DPP10: variants seen among roughly 807,000 people sequenced by gnomAD.
DPP10 encodes inactive dipeptidyl peptidase 10.
A neutral mutation model predicts 120.9 loss-of-function variants in DPP10; 33 were observed. That is an observed-to-expected ratio of 0.27 (90% CI 0.21 to 0.37). DPP10 has a LOEUF of 0.37. Among genes scored for constraint, DPP10 ranks in the 10% least tolerant of loss-of-function variants. The probability of loss-of-function intolerance (pLI) is 1.00; values close to 1 mark genes in which losing one functional copy is unlikely to be tolerated. For missense variants in DPP10, 816 were observed against 942.8 expected (o/e 0.87, Z 1.76); for synonymous variants, 337 against 326.1 (o/e 1.03, Z -0.36).
chr2:115,341,145 G>A (rs1035355898), intron 2 of DPP10, among the ~76,000 whole-genome samples: 6 of 151,688 alleles, frequency 4.0e-5, no homozygotes, highest in Non-Finnish European at 7.4e-5. Flanking sequence ...ATATTTTTTC[G>A]CTTGTGAAAC....
At chr2:115,509,636 A>G (rs1033904023) in intron 4 of DPP10, among the ~76,000 whole-genome samples, 2 of 152,176 alleles carry the variant, frequency 1.3e-5, no homozygotes, top group Non-Finnish European at 2.9e-5. Context: ...ACTGCACTCC[A>G]GCCTGGACGA....
intron 1 of DPP10, among the ~76,000 whole-genome samples, chr2:115,012,404 A>G (rs1702331480): frequency 6.6e-6 from 1 of 152,104 alleles, no homozygotes; most frequent in South Asian, 2.1e-4. Flanking sequence ...AAACAAAAAC[A>G]CAACCAAGGA....
At chr2:115,518,104 A>G (rs1413033783) in intron 4 of DPP10, among the ~76,000 whole-genome samples, 1 of 152,178 alleles carries the variant, frequency 6.6e-6, no homozygotes, top group Non-Finnish European at 1.5e-5. Context: ...TAATAGAGTA[A>G]GAACTCAGTA....
chr2:114,653,526 G>A (rs780334405), intron 1 of DPP10, among the ~76,000 whole-genome samples: 34 of 152,282 alleles, frequency 2.2e-4, no homozygotes, highest in Non-Finnish European at 4.0e-4. Flanking sequence ...GCTTGGGGTC[G>A]GGAGGTGGGG....
intron 1 of DPP10, among the ~76,000 whole-genome samples, chr2:115,306,921 A>G (rs915591612): frequency 1.3e-5 from 2 of 152,124 alleles, no homozygotes; most frequent in Admixed American, 6.6e-5. Flanking sequence ...ACAGTTATGT[A>G]TGGGTCCAAA....
intron 1 of DPP10, among the ~76,000 whole-genome samples, chr2:114,475,853 G>A (rs1345644576): frequency 6.6e-6 from 1 of 152,232 alleles, no homozygotes; most frequent in Non-Finnish European, 1.5e-5. Context: ...TCTCTTTCCT[G>A]TGAGGGTAAC....
In DPP10 at chr2:115,824,680, C is replaced by T. The variant is rs1307205474; in HGVS notation, c.1950+8951C>T. 2.0e-5 allele frequency among the ~76,000 whole-genome samples: 3 copies of T among 152,184 alleles called. No individual in the cohort carries two copies. In the East Asian group the frequency reaches 5.8e-4, roughly 29 times the overall value. ...TCTTTTTTATGGCCACTTCGTATTC[C>T]ATGGTGTGTATATGCTACATTTTCG... On this transcript the variant is annotated intron_variant, in intron 21 of 25. Coordinates refer to ENST00000410059, the MANE Select transcript of DPP10 (RefSeq NM_020868.6).
chr2:115,715,012 G>A (rs1335234423), intron 7 of DPP10, among the ~76,000 whole-genome samples: 2 of 127,794 alleles, frequency 1.6e-5, no homozygotes, highest in African/African-American at 3.0e-5. Flanking sequence ...CTGGGAGACA[G>A]AGCAAGACTC....
At chr2:115,185,429 T>G (rs765275854) in intron 1 of DPP10, among the ~76,000 whole-genome samples, 1 of 152,116 alleles carries the variant, frequency 6.6e-6, no homozygotes, top group African/African-American at 2.4e-5. Context: ...ATACATTTAG[T>G]GACAAAAGTT....
At chr2:115,228,579 A>AT (rs780185819) in intron 1 of DPP10, among the ~76,000 whole-genome samples, 9,293 of 151,462 alleles carry the variant, frequency 0.061, 314 homozygotes, top group Middle Eastern at 0.11. Flanking sequence ...TGTAAGCTCA[A>AT]TTTTTTTTTA....
intron 5 of DPP10, among the ~76,000 whole-genome samples, chr2:115,608,353 A>G (rs1377398987): frequency 1.3e-5 from 2 of 152,024 alleles, no homozygotes; most frequent in Admixed American, 6.6e-5. Flanking sequence ...TTGCATTGCT[A>G]TACTCCACCC....
At position 115,521,981 on chromosome 2, in the gene DPP10, T is replaced by C. The variant is rs2077838269; in HGVS notation, c.367-3917T>C. The stretch of plus-strand genomic sequence containing the variant: ...TACTTGTGCATTTTTTGAAGTTTAT[T>C]CTCATATTGTAGGTTGTAATTCAAA... On this transcript the variant is annotated intron_variant, in intron 4 of 25. Transcript: ENST00000410059. 2.0e-5 allele frequency among the ~76,000 whole-genome samples: 3 copies of C among 152,204 alleles called. No individual in the cohort carries two copies. The East Asian group carries it at 5.8e-4, about 29-fold the overall frequency.
intron 3 of DPP10, among the ~76,000 whole-genome samples, chr2:115,464,717 TA>T (rs1214717551): frequency 6.6e-6 from 1 of 152,014 alleles, no homozygotes; most frequent in Non-Finnish European, 1.5e-5. Context: ...GAGTCCTGGG[TA>T]GGGATGGATT....
intron 1 of DPP10, among the ~76,000 whole-genome samples, chr2:115,173,532 G>A (rs557283660): frequency 1.3e-5 from 2 of 152,236 alleles, no homozygotes; most frequent in Non-Finnish European, 2.9e-5. Flanking sequence ...ACCATAACTC[G>A]TTCCTGTTGT....
intron 1 of DPP10, among the ~76,000 whole-genome samples, chr2:114,630,146 C>G (rs1239082399): frequency 6.6e-6 from 1 of 151,968 alleles, no homozygotes; most frequent in Non-Finnish European, 1.5e-5. Flanking sequence ...CTCTAGTGCT[C>G]TATATTTTAT....
At chr2:115,504,275 C>CTTTT (rs5833604) in intron 4 of DPP10, among the ~76,000 whole-genome samples, 2 of 131,576 alleles carry the variant, frequency 1.5e-5, no homozygotes, top group Middle Eastern at 4.2e-3. Flanking sequence ...CTATTGCCAA[C>CTTTT]TTTTTTTTTT....
intron 12 of DPP10, among the ~76,000 whole-genome samples, chr2:115,765,941 A>G (rs1259366577): frequency 6.6e-6 from 1 of 152,072 alleles, no homozygotes; most frequent in Non-Finnish European, 1.5e-5. Context: ...AAATATCCTT[A>G]TTTTACTGTC....
In DPP10 at chr2:114,894,287, G is replaced by C. The variant is rs560557710; in HGVS notation, c.61-414952G>C. On this transcript the variant is annotated intron_variant, in intron 1 of 25. Coordinates refer to ENST00000410059, the MANE Select transcript of DPP10 (RefSeq NM_020868.6). ...GCCTGTCAGACTACAAGGTGCATTC[G>C]TAACTCTGGTAACAATTTATTTCTG... 2.6e-4 allele frequency among the ~76,000 whole-genome samples: 39 copies of C among 152,212 alleles called. No homozygotes were observed. In the South Asian group the frequency reaches 7.5e-3, roughly 29 times the overall value.
chr2:115,339,273 G>A (rs113441816), intron 2 of DPP10, among the ~76,000 whole-genome samples: 24 of 152,102 alleles, frequency 1.6e-4, no homozygotes, highest in African/African-American at 5.3e-4. Context: ...ATCACTACAC[G>A]TATATAAGAA....
Sources: allele counts gnomAD v4.1 joint callset (sites outside exome capture counted in the v4.1 genomes callset), GRCh38; gene constraint gnomAD v4.1.1; transcripts MANE v1.5; gene names NCBI Gene and HGNC (gene_info 2026-07-23, HGNC 2026-07-21).